The following ANK2 variants were observed in gnomAD, a reference collection of about 807,000 sequenced individuals.
ANK2 encodes the protein ankyrin-2.
In ANK2, 83 loss-of-function variants were observed where a neutral mutation model predicts 360.5. That is an observed-to-expected ratio of 0.23 (90% CI 0.19 to 0.28). The LOEUF (loss-of-function observed/expected upper bound fraction) is 0.28. ANK2 is among the 10% of genes least tolerant of loss of function. The pLI is 1.00. For synonymous variants in ANK2, 1,740 were observed against 1,759.5 expected (o/e 0.99, Z 0.28); for missense variants, 4,201 against 4,795.7 (o/e 0.88, Z 3.66).
the ANK2 span, among the ~76,000 whole-genome samples, chr4:112,811,967 C>G: frequency 4.7e-5 from 7 of 148,632 alleles, no homozygotes; most frequent in Admixed American, 4.8e-4. Flanking sequence ...CCCAGCTACT[C>G]AGGAGGCTGA....
intron 39 of ANK2, 126 bp downstream of exon 39, chr4:113,361,023 A>G: frequency 1.2e-6 from 1 of 863,642 alleles, no homozygotes; most frequent in Non-Finnish European, 1.9e-6. Context: ...AGAATAAACT[A>G]AGAACTAGAA....
chr4:113,330,461 A>G lies in ANK2; in HGVS notation c.3116A>G (p.Gln1039Arg). ...ATCGAAGTTGGACCTTCTGGTGCTC[A>G]GTTCCTTGGGTAAGGGTTTCTGATA... Reference protein sequence around the residue: ...RLIEVGPSGAQFLGKLHLPTA... With the variant: ...RLIEVGPSGARFLGKLHLPTA... The change falls in exon 27 of 46, where the codon CAG (glutamine) becomes CGG (arginine). Residue 1039 changes from glutamine to arginine, a missense_variant. Gln to Arg is a conservative substitution (Grantham distance 43). This residue lies in a region of ANK2 where 1,268 missense variants were observed against 1,650.8 expected (regional missense o/e 0.77). Transcript: ENST00000357077. 1.2e-6 allele frequency: 2 copies of G among 1,614,124 alleles called. No individual in the cohort carries two copies. The highest frequency in any genetic ancestry group is 1.7e-6 in the Non-Finnish European group (2 of 1,179,976).
intron 1 of ANK2, among the ~76,000 whole-genome samples, chr4:112,821,721 C>T (rs1171689005): frequency 2.0e-5 from 3 of 149,804 alleles, no homozygotes; most frequent in African/African-American, 4.9e-5. Context: ...TCACATACCA[C>T]GAGAACATTT....
At chr4:113,247,106 G>A (rs184586279) in intron 9 of ANK2, among the ~76,000 whole-genome samples, 1 of 148,564 alleles carries the variant, frequency 6.7e-6, no homozygotes, top group African/African-American at 2.5e-5. Flanking sequence ...CTACCTTTAT[G>A]AAAATTATCC....
intron 2 of ANK2, among the ~76,000 whole-genome samples, chr4:113,028,501 C>T (rs1421968212): frequency 2.6e-5 from 4 of 152,096 alleles, no homozygotes; most frequent in Non-Finnish European, 5.9e-5. Flanking sequence ...AGTCAGGAAG[C>T]TGATACACTA....
intron 2 of ANK2, among the ~76,000 whole-genome samples, chr4:112,996,010 A>T (rs967076759): frequency 1.3e-5 from 2 of 152,238 alleles, no homozygotes; most frequent in Non-Finnish European, 2.9e-5. Context: ...AAACCCATGC[A>T]AAGACTTCTA....
chr4:113,061,649 T>C (rs539732898), intron 1 of ANK2, among the ~76,000 whole-genome samples: 79 of 152,180 alleles, frequency 5.2e-4, no homozygotes, highest in African/African-American at 1.8e-3. Flanking sequence ...ACTTTGGGGA[T>C]TTTTTAAAAA....
chr4:112,913,149 A>G (rs2088331052), intron 2 of ANK2, among the ~76,000 whole-genome samples: 1 of 152,212 alleles, frequency 6.6e-6, no homozygotes, highest in Non-Finnish European at 1.5e-5. Flanking sequence ...GCTAGGATCA[A>G]TCCCATTCTA....
chr4:112,779,531 A>G, the ANK2 span, among the ~76,000 whole-genome samples: 1 of 152,066 alleles, frequency 6.6e-6, no homozygotes, highest in African/African-American at 2.4e-5. Context: ...AAAAAAGAAA[A>G]AAAAAGGCCA....
chr4:112,782,418 A>G, the ANK2 span, among the ~76,000 whole-genome samples: 7 of 152,222 alleles, frequency 4.6e-5, no homozygotes, highest in African/African-American at 1.7e-4. Flanking sequence ...TTTTCCAACT[A>G]TACAAACAGC....
At chr4:113,010,831 A>G (rs1187178882) in intron 2 of ANK2, among the ~76,000 whole-genome samples, 1 of 152,168 alleles carries the variant, frequency 6.6e-6, no homozygotes, top group African/African-American at 2.4e-5. Flanking sequence ...TCTTGTGGTA[A>G]TAGATAGCTT....
chr4:112,730,502 T>A, the ANK2 span, among the ~76,000 whole-genome samples: 1 of 149,994 alleles, frequency 6.7e-6, no homozygotes, highest in Non-Finnish European at 1.5e-5. Context: ...CTGGGTATGG[T>A]GGTGGGCACC....
intron 1 of ANK2, among the ~76,000 whole-genome samples, chr4:113,075,555 T>G (rs946726526): frequency 6.6e-6 from 1 of 152,168 alleles, no homozygotes; most frequent in Non-Finnish European, 1.5e-5. Context: ...ATGTGGCAGA[T>G]GGAACAGAAA....
chr4:112,791,479 CT>C, the ANK2 span, among the ~76,000 whole-genome samples: 363 of 93,880 alleles, frequency 3.9e-3, 1 homozygote, highest in East Asian at 0.022. Flanking sequence ...TCTTCTTCTT[CT>C]TTTTTTTTTT....
chr4:112,989,705 T>C (rs1385767435), intron 2 of ANK2, among the ~76,000 whole-genome samples: 2 of 152,166 alleles, frequency 1.3e-5, no homozygotes, highest in Non-Finnish European at 2.9e-5. Flanking sequence ...TAAAAGAGAA[T>C]GGCAGGAAGT....
chr4:112,897,926 T>C (rs2082209681), intron 1 of ANK2, among the ~76,000 whole-genome samples: 1 of 152,128 alleles, frequency 6.6e-6, no homozygotes, highest in Non-Finnish European at 1.5e-5. Flanking sequence ...TGCATATTCT[T>C]CTCAAATATC....
chr4:112,870,236 AGCCTACTTCG>A (rs1363096748), intron 1 of ANK2, among the ~76,000 whole-genome samples: 1 of 151,438 alleles, frequency 6.6e-6, no homozygotes, highest in Admixed American at 6.6e-5. Context: ...TCAAGTGATC[AGCCTACTTCG>A]GCCTCCCAAA....
intron 1 of ANK2, among the ~76,000 whole-genome samples, chr4:113,111,908 A>G (rs1412172495): frequency 6.6e-6 from 1 of 152,146 alleles, no homozygotes; most frequent in East Asian, 1.9e-4. Flanking sequence ...CTGAAAAGAA[A>G]CACTTCTATG....
chr4:113,180,134 A>T (rs950130428), intron 2 of ANK2, among the ~76,000 whole-genome samples: 16 of 152,336 alleles, frequency 1.1e-4, no homozygotes, highest in African/African-American at 3.6e-4. Flanking sequence ...CAACAAGAAG[A>T]TACACTCAGC....
Sources: allele counts gnomAD v4.1 joint callset (sites outside exome capture counted in the v4.1 genomes callset), GRCh38; gene constraint gnomAD v4.1.1; regional missense constraint gnomAD v4.1.1; transcripts MANE v1.5; gene names NCBI Gene and HGNC (gene_info 2026-07-23, HGNC 2026-07-21).